MYO16: variants seen among roughly 807,000 people sequenced by gnomAD.
MYO16 encodes the protein myosin XVI.
Under a neutral mutation model 205.3 loss-of-function variants are expected in MYO16, and 94 were observed. The observed-to-expected ratio is 0.46, with a 90% CI of 0.39 to 0.54. The LOEUF is 0.54. Ranked by LOEUF, MYO16 falls within the 20% of genes least tolerant of loss-of-function variation. The probability of loss-of-function intolerance (pLI) is 0.00; values close to 1 mark genes in which losing one functional copy is unlikely to be tolerated. For missense variants in MYO16, 2,315 were observed against 2,387.5 expected (o/e 0.97, Z 0.63); for synonymous variants, 988 against 954.0 (o/e 1.04, Z -0.66).
intron 27 of MYO16, among the ~76,000 whole-genome samples, chr13:109,077,563 G>A (rs927955424): frequency 2.0e-5 from 3 of 152,138 alleles, no homozygotes; most frequent in African/African-American, 4.8e-5. Flanking sequence ...ATTTGTGGAA[G>A]GCATTTTTAT....
At chr13:108,679,592 G>T (rs1201788210) in intron 2 of MYO16, among the ~76,000 whole-genome samples, 3 of 151,694 alleles carry the variant, frequency 2.0e-5, no homozygotes, top group Non-Finnish European at 4.4e-5. Context: ...TCATAATTTT[G>T]CATCTGGTTT....
intron 7 of MYO16, 59 bp downstream of exon 7, chr13:108,806,863 A>G: frequency 8.2e-7 from 1 of 1,213,080 alleles, no homozygotes; most frequent in Non-Finnish European, 1.1e-6. Context: ...GAATAATTTC[A>G]TATTCAATTT....
chr13:108,647,427 AATG>A (rs1880804378), intron 1 of MYO16, among the ~76,000 whole-genome samples: 1 of 152,148 alleles, frequency 6.6e-6, no homozygotes, highest in Non-Finnish European at 1.5e-5. Context: ...CAGAACTGAA[AATG>A]ATGAAACTAT....
At chr13:108,616,329 C>G (rs1358830462) in intron 1 of MYO16, among the ~76,000 whole-genome samples, 1 of 152,212 alleles carries the variant, frequency 6.6e-6, no homozygotes, top group Non-Finnish European at 1.5e-5. Context: ...AGTTAAGACT[C>G]TTTCAGAGCG....
At chr13:109,066,645 T>A (rs1364859783) in intron 27 of MYO16, among the ~76,000 whole-genome samples, 1 of 152,212 alleles carries the variant, frequency 6.6e-6, no homozygotes, top group Non-Finnish European at 1.5e-5. Context: ...ACTTTTTGTA[T>A]AAAGGACCAA....
chr13:109,097,741 GTCTCTGTTACT>G (rs1367608756), intron 27 of MYO16, among the ~76,000 whole-genome samples: 14 of 152,270 alleles, frequency 9.2e-5, no homozygotes, highest in African/African-American at 2.9e-4. Flanking sequence ...TTCAGCCTCA[GTCTCTGTTACT>G]TACCATTTTT....
intron 4 of MYO16, among the ~76,000 whole-genome samples, chr13:108,742,017 A>C (rs1328681683): frequency 6.6e-6 from 1 of 152,136 alleles, no homozygotes; most frequent in Non-Finnish European, 1.5e-5. Context: ...TTTTTGAGAC[A>C]GAATCTTACT....
At chr13:108,656,650 G>T (rs1881258925) in intron 1 of MYO16, among the ~76,000 whole-genome samples, 1 of 152,106 alleles carries the variant, frequency 6.6e-6, no homozygotes, top group South Asian at 2.1e-4. Context: ...AAATGATAAA[G>T]TCAATTTTGT....
intron 9 of MYO16, among the ~76,000 whole-genome samples, chr13:108,823,853 T>C (rs1726497059): frequency 6.6e-6 from 1 of 152,116 alleles, no homozygotes; most frequent in Non-Finnish European, 1.5e-5. Context: ...AAGATAATGC[T>C]TATTTTCCAG....
intron 8 of MYO16, among the ~76,000 whole-genome samples, chr13:108,820,711 C>A (rs1045337713): frequency 6.6e-6 from 1 of 152,132 alleles, no homozygotes; most frequent in African/African-American, 2.4e-5. Flanking sequence ...TTCAGTGTAA[C>A]GTACTTTAAA....
At chr13:108,939,993 AC>A (rs1300191916) in intron 16 of MYO16, among the ~76,000 whole-genome samples, 1 of 152,170 alleles carries the variant, frequency 6.6e-6, no homozygotes, top group Non-Finnish European at 1.5e-5. Flanking sequence ...TTCTTGGTAA[AC>A]AGAACAACAT....
chr13:108,805,118 C>T (rs372075316), intron 6 of MYO16, among the ~76,000 whole-genome samples: 9 of 152,044 alleles, frequency 5.9e-5, no homozygotes, highest in African/African-American at 1.2e-4. Context: ...ATTCAGATAA[C>T]GTAGAATCAA....
chr13:108,522,778 G>GTA, the MYO16 span, among the ~76,000 whole-genome samples: 1 of 151,688 alleles, frequency 6.6e-6, no homozygotes, highest in South Asian at 2.1e-4. Context: ...GTGTGTGTGT[G>GTA]TGTGTGTCTG....
At chr13:108,720,613 G>A (rs1273161188) in intron 3 of MYO16, among the ~76,000 whole-genome samples, 1 of 152,150 alleles carries the variant, frequency 6.6e-6, no homozygotes, top group Non-Finnish European at 1.5e-5. Context: ...TGGTAGAACT[G>A]TGCCTGGCAC....
intron 27 of MYO16, among the ~76,000 whole-genome samples, chr13:109,076,541 C>T (rs552969420): frequency 6.6e-6 from 1 of 152,314 alleles, no homozygotes; most frequent in East Asian, 1.9e-4. Flanking sequence ...GGACATGAAA[C>T]TCCTGACGCT....
At chr13:108,855,855 A>G (rs947874737) in intron 11 of MYO16, among the ~76,000 whole-genome samples, 1 of 152,224 alleles carries the variant, frequency 6.6e-6, no homozygotes. Flanking sequence ...AACCAGCAGG[A>G]TCTGCACATG....
chr13:108,694,577 T>C (rs1329995979), intron 2 of MYO16, among the ~76,000 whole-genome samples: 4 of 152,342 alleles, frequency 2.6e-5, no homozygotes, highest in African/African-American at 9.6e-5. Context: ...TGTTCTGCAG[T>C]TCTAAGAGTT....
At chr13:108,922,069 C>T (rs1028750611) in intron 16 of MYO16, among the ~76,000 whole-genome samples, 1 of 152,186 alleles carries the variant, frequency 6.6e-6, no homozygotes, top group Non-Finnish European at 1.5e-5. Flanking sequence ...TCCTAGCGTA[C>T]GTCTCTGCCT....
At chr13:109,007,254 G>A (rs963900379) in intron 21 of MYO16, among the ~76,000 whole-genome samples, 1 of 152,102 alleles carries the variant, frequency 6.6e-6, no homozygotes, top group Non-Finnish European at 1.5e-5. Context: ...TGGGTGAGGT[G>A]GCGGGCGCCT....
Sources: allele counts gnomAD v4.1 joint callset (sites outside exome capture counted in the v4.1 genomes callset), GRCh38; gene constraint gnomAD v4.1.1; transcripts MANE v1.5; gene names NCBI Gene and HGNC (gene_info 2026-07-23, HGNC 2026-07-21).